The following ZNF215 variants were observed in gnomAD, a reference collection of about 807,000 sequenced individuals.
ZNF215 encodes zinc finger protein 215.
ZNF215 carries 24 observed loss-of-function variants against 27.2 expected under a neutral mutation model. That is an observed-to-expected ratio of 0.88 (90% CI 0.64 to 1.24). The LOEUF is 1.24. Ranked by LOEUF, ZNF215 falls within the 50% of genes most tolerant of loss-of-function variation. The pLI is 0.00. For synonymous variants in ZNF215, 210 were observed against 204.0 expected, an observed-to-expected ratio of 1.03 and a Z score of -0.25; for missense variants, 675 against 605.7, an observed-to-expected ratio of 1.11 and a Z score of -1.20.
chr11:6,979,323 AAC>A (rs955844899), intron 5 of ZNF215, among the ~76,000 whole-genome samples: 3 of 26,412 alleles, frequency 1.1e-4, no homozygotes, highest in African/African-American at 2.7e-4. Context: ...CTTATTGAAT[AAC>A]ACAGTAATAA....
chr11:6,956,247 A>G lies in ZNF215; in HGVS notation c.1270A>G (p.Lys424Glu), dbSNP rs962679662. The G allele has an allele frequency of 4.3e-6, 7 of 1,613,784 alleles. No homozygotes were observed. The highest frequency in any genetic ancestry group is 5.9e-6 in the Non-Finnish European group (7 of 1,179,962). Residue 424 changes from lysine (K) to glutamate (E), a missense_variant, in exon 7 of 7, where the codon AAG (lysine) becomes GAG (glutamate). Transcript: ENST00000278319. ...RFFNRRTNLT[K>E]HQKLHAEAKA... is the part of the protein sequence containing the mutation. The stretch of plus-strand genomic sequence containing the variant: ...CTTCAACCGACGTACAAACCTTACT[A>G]AGCATCAAAAACTTCATGCTGAAGC...
chr11:6,987,135 A>G (rs139242146), downstream of ZNF215, among the ~76,000 whole-genome samples: 205 of 152,296 alleles, frequency 1.3e-3, no homozygotes, highest in African/African-American at 3.8e-3. Flanking sequence ...GTGACCATCA[A>G]TGGTGGATTG....
intron 2 of ZNF215, among the ~76,000 whole-genome samples, chr11:6,929,756 C>T (rs1485153339): frequency 2.0e-5 from 3 of 151,990 alleles, no homozygotes; most frequent in Non-Finnish European, 2.9e-5. Context: ...CAGGTTTTTC[C>T]ACTGTAAATT....
chr11:6,940,997 T>C (rs954291795), intron 3 of ZNF215, among the ~76,000 whole-genome samples: 1 of 152,098 alleles, frequency 6.6e-6, no homozygotes, highest in Non-Finnish European at 1.5e-5. Context: ...TCTTCCAGAG[T>C]GGCCCTTGGA....
At chr11:6,950,706 T>C (rs556147394) in intron 6 of ZNF215, among the ~76,000 whole-genome samples, 1 of 151,292 alleles carries the variant, frequency 6.6e-6, no homozygotes, top group East Asian at 1.9e-4. Flanking sequence ...CCTCTTTTCC[T>C]AATTGAATAC....
At chr11:6,990,836 T>G (rs1423794937), downstream of ZNF215, among the ~76,000 whole-genome samples, 1 of 152,210 alleles carries the variant, frequency 6.6e-6, no homozygotes, top group Non-Finnish European at 1.5e-5. Context: ...ACCAGGTATA[T>G]ATTCACATTA....
At position 6,927,315 on chromosome 11, in the gene ZNF215, C is replaced by T. The variant is rs555907205; in HGVS notation, c.-325-347C>T. Among the ~76,000 whole-genome samples, 20 of 152,326 alleles carry T rather than the reference C, an allele frequency of 1.3e-4. No homozygotes were observed. In the South Asian group the frequency reaches 3.9e-3, roughly 30 times the overall value. ...AACATAAATGACTTCTATTCAGTCA[C>T]TTATTTGCAAACTGTTTTCTGTTCC... On this transcript the variant is annotated intron_variant, in intron 1 of 6. Coordinates refer to ENST00000278319, the MANE Select transcript of ZNF215 (RefSeq NM_013250.4).
chr11:6,989,937 C>A (rs1851099514), downstream of ZNF215, among the ~76,000 whole-genome samples: 1 of 152,164 alleles, frequency 6.6e-6, no homozygotes. Flanking sequence ...GAAGCAGACA[C>A]TGCATGTCAT....
intron 5 of ZNF215, among the ~76,000 whole-genome samples, chr11:6,966,090 G>A (rs1850612781): frequency 6.6e-6 from 1 of 152,098 alleles, no homozygotes. Context: ...TTTTTTAAGA[G>A]GTATAGAGCT....
In ZNF215 at chr11:6,936,890, C is replaced by CA. The variant is rs71470445; in HGVS notation, c.400+4231dup. Among the ~76,000 whole-genome samples the CA allele has an allele frequency of 9.4e-3, 1,188 of 126,962 alleles. 9 individuals are homozygous for CA. Among genetic ancestry groups the CA allele is most frequent in the Non-Finnish European group, 0.013 (777 of 58,472 alleles). 83.3% of individuals were successfully genotyped at this position (126,962 alleles called of 152,430 possible). On this transcript the variant is annotated intron_variant, in intron 3 of 6. Coordinates refer to ENST00000278319, the MANE Select transcript of ZNF215 (RefSeq NM_013250.4). Reference sequence around the variant, plus strand: ...ACAAAATCCAATGCCCTTTTATGACCAAAAAAAAAAAAAGGACTAGAAGTG... The same window carrying CA: ...ACAAAATCCAATGCCCTTTTATGACCAAAAAAAAAAAAAAGGACTAGAAGTG...
intron 5 of ZNF215, among the ~76,000 whole-genome samples, 156 bp downstream of exon 5, chr11:6,943,371 G>C (rs1849696347): frequency 6.6e-6 from 1 of 152,158 alleles, no homozygotes; most frequent in Admixed American, 6.5e-5. Flanking sequence ...GACTCATCTG[G>C]ATGAAAGTCC....
At chr11:6,958,598 C>T (rs147595897), downstream of ZNF215, among the ~76,000 whole-genome samples, 50 of 152,212 alleles carry the variant, frequency 3.3e-4, no homozygotes, top group African/African-American at 1.1e-3. Context: ...AGGGACAGAA[C>T]CAATAGGATA....
chr11:6,978,048 TC>T (rs930420663), intron 5 of ZNF215, among the ~76,000 whole-genome samples: 35 of 152,042 alleles, frequency 2.3e-4, no homozygotes, highest in African/African-American at 8.5e-4. Flanking sequence ...GCCTCTTTTT[TC>T]TAACTAACAT....
At chr11:6,944,897 T>C (rs944246382) in intron 6 of ZNF215, among the ~76,000 whole-genome samples, 1 of 152,172 alleles carries the variant, frequency 6.6e-6, no homozygotes, top group African/African-American at 2.4e-5. Context: ...CTAATTCCCA[T>C]AAAATATTCA....
intron 6 of ZNF215, among the ~76,000 whole-genome samples, chr11:6,954,970 A>G (rs1291691244): frequency 6.6e-6 from 1 of 152,244 alleles, no homozygotes; most frequent in East Asian, 1.9e-4. Context: ...TGAGAAAGGA[A>G]GTGGAACATA....
intron 1 of ZNF215, 34 bp from the exon 2 acceptor site, chr11:6,927,622 AGAGTTT>A (rs2133125900): frequency 6.6e-6 from 1 of 152,336 alleles, no homozygotes; most frequent in East Asian, 1.9e-4. Flanking sequence ...TCAGTACTTT[AGAGTTT>A]AACTGTTATA....
chr11:6,945,502 C>A (rs926792786), intron 6 of ZNF215, among the ~76,000 whole-genome samples: 4 of 152,178 alleles, frequency 2.6e-5, no homozygotes, highest in African/African-American at 4.8e-5. Flanking sequence ...TTAGCTCTTA[C>A]CCCAGACATT....
At chr11:6,940,366 G>A (rs1849593179) in intron 3 of ZNF215, among the ~76,000 whole-genome samples, 1 of 152,100 alleles carries the variant, frequency 6.6e-6, no homozygotes, top group Non-Finnish European at 1.5e-5. Context: ...GTGTGGTGGT[G>A]CGAACACCAC....
At chr11:6,974,563 T>A (rs572012010) in intron 5 of ZNF215, among the ~76,000 whole-genome samples, 1 of 152,338 alleles carries the variant, frequency 6.6e-6, no homozygotes, top group East Asian at 1.9e-4. Flanking sequence ...TATCCTCTTT[T>A]ATTTCATTGA....
Sources: gnomAD v4.1 joint callset for allele counts (sites outside exome capture counted in the v4.1 genomes callset) on GRCh38, gnomAD v4.1.1 for gene constraint, MANE v1.5 for transcripts, NCBI Gene and HGNC (gene_info 2026-07-23, HGNC 2026-07-21) for gene names.